The following DSCAML1 variants were observed in gnomAD, a reference collection of about 807,000 sequenced individuals.
The protein encoded by DSCAML1 is cell adhesion molecule DSCAML1.
DSCAML1 carries 38 observed loss-of-function variants against 200.5 expected under a neutral mutation model. The observed-to-expected ratio is 0.19, with a 90% confidence interval of 0.15 to 0.25. The LOEUF is 0.25. Among genes scored for constraint, DSCAML1 ranks in the 10% least tolerant of loss-of-function variants. The pLI is 1.00. For synonymous variants in DSCAML1, 1,215 were observed against 1,165.0 expected (o/e 1.04, Z -0.87); for missense variants, 2,223 against 2,858.8 (o/e 0.78, Z 5.07).
intron 3 of DSCAML1, among the ~76,000 whole-genome samples, chr11:117,629,390 G>T (rs539863994): frequency 2.9e-4 from 44 of 152,288 alleles, no homozygotes; most frequent in African/African-American, 9.9e-4. Context: ...GGCCACGGAA[G>T]CTGATGGCTG....
Position 117,504,865 on chromosome 11 carries a change from G to C in DSCAML1, c.2182+59C>G. ...ATGGAACAGGTTCAAATCCCACAGA[G>C]CATCCTCCGTTCCCCGTCCCTGCCC... On this transcript the variant is annotated intron_variant, in intron 10 of 32. Coordinates refer to ENST00000651296, the MANE Select transcript of DSCAML1 (RefSeq NM_020693.4). The surrounding 1 kb of genome is among the most constrained non-coding windows in gnomAD (Gnocchi z 5.0). The C allele has an allele frequency of 6.5e-7, 1 of 1,550,270 alleles. No homozygotes were observed. The highest frequency in any genetic ancestry group is 1.3e-5 in the South Asian group (1 of 79,084).
At chr11:117,716,427 G>A (rs536888260) in intron 3 of DSCAML1, among the ~76,000 whole-genome samples, 1 of 152,276 alleles carries the variant, frequency 6.6e-6, no homozygotes, top group African/African-American at 2.4e-5. Flanking sequence ...AGAGCTTTGG[G>A]TTTTGCTCTT....
chr11:117,531,048 C>T (rs903863497), intron 4 of DSCAML1, among the ~76,000 whole-genome samples: 11 of 152,122 alleles, frequency 7.2e-5, no homozygotes, highest in Non-Finnish European at 1.6e-4. Flanking sequence ...CGCCTTGCAA[C>T]GAGCATGGTA....
intron 27 of DSCAML1, 25 bp downstream of exon 27, chr11:117,435,619 G>C: frequency 6.4e-7 from 1 of 1,572,674 alleles, no homozygotes; most frequent in Non-Finnish European, 8.7e-7. Context: ...CCCCCTCCTG[G>C]AAGGCCCATA....
Position 117,447,923 on chromosome 11 carries a change from C to T in DSCAML1, c.3708+2626G>A, listed in dbSNP as rs200434759. Among the ~76,000 whole-genome samples, 14 of 152,336 alleles carry T rather than the reference C, an allele frequency of 9.2e-5. No homozygotes were observed. In the East Asian group the frequency reaches 9.6e-4, roughly 10 times the overall value. On this transcript the variant is annotated intron_variant, in intron 20 of 32. Coordinates refer to ENST00000651296, the MANE Select transcript of DSCAML1 (RefSeq NM_020693.4). ...GGAATATATTTGTGCAAAGTGATCA[C>T]GTCACACACAGTGGTTAGGTCCCCA...
chr11:117,727,694 C>T (rs916183344), intron 3 of DSCAML1, among the ~76,000 whole-genome samples: 2 of 152,132 alleles, frequency 1.3e-5, no homozygotes, highest in Non-Finnish European at 2.9e-5. Context: ...GTTAAATAAC[C>T]AACCACAGGA....
At chr11:117,798,835 A>G (rs749765722), upstream of DSCAML1, among the ~76,000 whole-genome samples, 21 of 152,172 alleles carry the variant, frequency 1.4e-4, no homozygotes, top group Non-Finnish European at 2.4e-4. Context: ...GCAAGACTAG[A>G]ACCCAGGCCT....
chr11:117,439,731 C>G (rs1181329493), intron 22 of DSCAML1, 88 bp downstream of exon 22: 5 of 1,283,516 alleles, frequency 3.9e-6, no homozygotes, highest in Non-Finnish European at 5.6e-6. Context: ...GGTCACCAGG[C>G]AGGAGGGCCC....
intron 3 of DSCAML1, among the ~76,000 whole-genome samples, chr11:117,742,631 C>T (rs771155311): frequency 6.6e-6 from 1 of 152,158 alleles, no homozygotes; most frequent in Non-Finnish European, 1.5e-5. Context: ...CTTGGAGAGC[C>T]GGGTCAGCAT....
At chr11:117,785,403 C>T (rs1482286818) in intron 1 of DSCAML1, among the ~76,000 whole-genome samples, 2 of 152,074 alleles carry the variant, frequency 1.3e-5, no homozygotes, top group Admixed American at 1.3e-4. Context: ...GGGGCACTCC[C>T]AGAGAAGACA....
intron 3 of DSCAML1, among the ~76,000 whole-genome samples, chr11:117,565,303 T>C (rs931911513): frequency 7.2e-5 from 11 of 152,208 alleles, no homozygotes; most frequent in African/African-American, 2.4e-4. Flanking sequence ...TGAATATTTG[T>C]CTTTTCTTTA....
Position 117,504,132 on chromosome 11 carries a change from G to T in DSCAML1, c.2183-111C>A. 1 of 1,296,450 alleles carries T rather than the reference G, an allele frequency of 7.7e-7. No individual in the cohort carries two copies. Among genetic ancestry groups the T allele is most frequent in the South Asian group, 1.4e-5 (1 of 71,886 alleles). The allele number at this position is 1,296,450 out of a possible 1,614,324, so 80.3% of individuals were successfully genotyped here. ...CTTGCAGATCTAGGGCCATTTTGTA[G>T]CAGAGCTGCACCATCCCCAAAGTGC... On this transcript the variant is annotated intron_variant, in intron 10 of 32. Transcript: ENST00000651296. The surrounding 1 kb of genome is among the most constrained non-coding windows in gnomAD (Gnocchi z 5.0).
chr11:117,545,776 G>A (rs2050362315), intron 3 of DSCAML1, among the ~76,000 whole-genome samples: 1 of 152,164 alleles, frequency 6.6e-6, no homozygotes, highest in Non-Finnish European at 1.5e-5. Flanking sequence ...CCTGGGAATG[G>A]GTCGTTAACA....
At chr11:117,449,151 A>C (rs752933519) in intron 20 of DSCAML1, among the ~76,000 whole-genome samples, 101 of 152,200 alleles carry the variant, frequency 6.6e-4, no homozygotes, top group African/African-American at 2.1e-3. Context: ...GTACAAAAAG[A>C]AGCAGCACTA....
Position 117,671,286 on chromosome 11 carries a change from T to G in DSCAML1, c.511+105505A>C, listed in dbSNP as rs566024151. Among the ~76,000 whole-genome samples, 5 of 152,312 alleles carry G rather than the reference T, an allele frequency of 3.3e-5. No homozygotes were observed. In the East Asian group the frequency reaches 5.8e-4, roughly 18 times the overall value. On this transcript the variant is annotated intron_variant, in intron 3 of 32. Transcript: ENST00000651296. Reference sequence around the variant, plus strand: ...CAAACCCTCGCTTCATAGAGCAGCTTCCAGAGGCCACACTCAGGTGAAATA... The same window carrying G: ...CAAACCCTCGCTTCATAGAGCAGCTGCCAGAGGCCACACTCAGGTGAAATA...
At chr11:117,616,895 T>C (rs530746553) in intron 3 of DSCAML1, among the ~76,000 whole-genome samples, 24 of 152,390 alleles carry the variant, frequency 1.6e-4, no homozygotes, top group African/African-American at 5.5e-4. Context: ...CAATGACTTA[T>C]GTTATGGAAC....
chr11:117,456,105 G>A (rs982658544), intron 19 of DSCAML1, among the ~76,000 whole-genome samples: 3 of 152,208 alleles, frequency 2.0e-5, no homozygotes, highest in African/African-American at 7.2e-5. Context: ...TGTTGAGGGG[G>A]TTTCTGGGAA....
rs1343635709 is a variant in DSCAML1, at chr11:117,463,711, C to T, written c.3265+1231G>A. Among the ~76,000 whole-genome samples the T allele has an allele frequency of 3.3e-5, 5 of 152,184 alleles. No individual in the cohort carries two copies. The highest frequency in any genetic ancestry group is 1.2e-4 in the African/African-American group (5 of 41,444). ...GGCTTGGTTGTGGTGCGGCTCTCCT[C>T]CCTCCCCCTGGACTTCTCTGCCACG... On this transcript the variant is annotated intron_variant, in intron 17 of 32. Coordinates refer to ENST00000651296, the MANE Select transcript of DSCAML1 (RefSeq NM_020693.4). The surrounding 1 kb of genome is among the most constrained non-coding windows in gnomAD (Gnocchi z 4.0).
chr11:117,802,626 A>G (rs949562458), intron 1 of DSCAML1, among the ~76,000 whole-genome samples: 1 of 152,176 alleles, frequency 6.6e-6, no homozygotes, highest in African/African-American at 2.4e-5. Context: ...TCTAAGAGTG[A>G]GCATTTGGCA....
Sources: allele counts gnomAD v4.1 joint callset (sites outside exome capture counted in the v4.1 genomes callset), GRCh38; gene constraint gnomAD v4.1.1; non-coding constraint Gnocchi (gnomAD v3.1); transcripts MANE v1.5; gene names NCBI Gene and HGNC (gene_info 2026-07-23, HGNC 2026-07-21).